RBMS3: variants seen among roughly 807,000 people sequenced by gnomAD.
RBMS3 encodes RNA-binding motif, single-stranded-interacting protein 3.
In RBMS3, 27 loss-of-function variants were observed where a neutral mutation model predicts 66.8. The observed-to-expected ratio is 0.40, with a 90% CI of 0.30 to 0.56. RBMS3 has a LOEUF of 0.56. Among genes scored for constraint, RBMS3 ranks in the 20% least tolerant of loss-of-function variants. The probability of loss-of-function intolerance (pLI) is 0.40; values close to 1 mark genes in which losing one functional copy is unlikely to be tolerated. For missense variants in RBMS3, 513 were observed against 549.5 expected, an observed-to-expected ratio of 0.93 and a Z score of 0.66; for synonymous variants, 188 against 183.0, an observed-to-expected ratio of 1.03 and a Z score of -0.22.
chr3:29,814,705 C>T (rs935840011), intron 6 of RBMS3, among the ~76,000 whole-genome samples: 1 of 152,094 alleles, frequency 6.6e-6, no homozygotes, highest in Non-Finnish European at 1.5e-5. Flanking sequence ...CTGGTTTAGT[C>T]TTGGGAGAGT....
intron 12 of RBMS3, among the ~76,000 whole-genome samples, chr3:29,987,535 A>G (rs1157306741): frequency 2.0e-5 from 3 of 152,186 alleles, no homozygotes; most frequent in Non-Finnish European, 4.4e-5. Flanking sequence ...TAACACTGAT[A>G]TGAGAATGAA....
chr3:29,728,399 A>G (rs371690682), intron 4 of RBMS3, among the ~76,000 whole-genome samples: 2 of 152,194 alleles, frequency 1.3e-5, no homozygotes, highest in South Asian at 2.1e-4. Context: ...AATAATGTAT[A>G]TGCCAAATGA....
At chr3:29,885,629 G>A (rs1446407608) in intron 8 of RBMS3, among the ~76,000 whole-genome samples, 1 of 151,684 alleles carries the variant, frequency 6.6e-6, no homozygotes, top group African/African-American at 2.4e-5. Flanking sequence ...ATTTATATTG[G>A]AAATTTATAC....
At chr3:29,577,648 T>C (rs956512385) in intron 3 of RBMS3, among the ~76,000 whole-genome samples, 12 of 152,212 alleles carry the variant, frequency 7.9e-5, no homozygotes, top group African/African-American at 2.9e-4. Context: ...CCTCTGTGTG[T>C]GGGCATTGGC....
intron 2 of RBMS3, among the ~76,000 whole-genome samples, chr3:29,487,111 T>C (rs925846470): frequency 1.3e-5 from 2 of 152,180 alleles, no homozygotes; most frequent in African/African-American, 2.4e-5. Context: ...ATGGGTATGA[T>C]TGTAGGTACG....
chr3:29,783,055 A>T (rs2056693388), intron 6 of RBMS3, among the ~76,000 whole-genome samples: 1 of 152,186 alleles, frequency 6.6e-6, no homozygotes, highest in Non-Finnish European at 1.5e-5. Context: ...GAATATGTTA[A>T]ATGTCCAAAC....
chr3:29,982,088 C>A (rs1698034839), intron 12 of RBMS3, among the ~76,000 whole-genome samples: 1 of 152,124 alleles, frequency 6.6e-6, no homozygotes, highest in Non-Finnish European at 1.5e-5. Flanking sequence ...TCAATTACTG[C>A]CTCAGTTTCA....
At chr3:29,744,114 C>T (rs1403089413) in intron 5 of RBMS3, among the ~76,000 whole-genome samples, 2 of 151,952 alleles carry the variant, frequency 1.3e-5, no homozygotes, top group South Asian at 2.1e-4. Context: ...TGTGATTTTT[C>T]CAGGTGGAGT....
intron 4 of RBMS3, among the ~76,000 whole-genome samples, chr3:29,700,215 T>A (rs968001031): frequency 2.0e-5 from 3 of 152,240 alleles, no homozygotes; most frequent in African/African-American, 7.2e-5. Context: ...GTAGATCTAT[T>A]ATAGATGTGT....
chr3:29,303,286 A>G (rs1288458346), intron 1 of RBMS3, among the ~76,000 whole-genome samples: 1 of 152,040 alleles, frequency 6.6e-6, no homozygotes, highest in East Asian at 1.9e-4. Context: ...ACTCTTATGA[A>G]CCTGGTAATT....
intron 2 of RBMS3, among the ~76,000 whole-genome samples, chr3:29,480,093 G>C (rs928236819): frequency 1.3e-5 from 2 of 152,216 alleles, no homozygotes; most frequent in Non-Finnish European, 2.9e-5. Context: ...AACTCTAACT[G>C]GAGATTCAGG....
At position 29,733,805 on chromosome 3, in the gene RBMS3, C is replaced by CA. The variant is rs552305317; in HGVS notation, c.400-5909dup. 3.2e-3 allele frequency among the ~76,000 whole-genome samples: 486 copies of CA among 152,156 alleles called. 6 individuals are homozygous for CA. Among genetic ancestry groups the CA allele is most frequent in the African/African-American group, 0.011 (451 of 41,518 alleles). Reference sequence around the variant, plus strand: ...GCCTGTGCTTTTGAAGTCTTATCCACAAAAAATCTTTGTCCAGACCAATAT... The same window carrying CA: ...GCCTGTGCTTTTGAAGTCTTATCCACAAAAAAATCTTTGTCCAGACCAATAT... On this transcript the variant is annotated intron_variant, in intron 4 of 14. Transcript: ENST00000383767.
At chr3:29,674,737 CAA>C (rs149403305) in intron 4 of RBMS3, among the ~76,000 whole-genome samples, 54,008 of 100,108 alleles carry the variant, frequency 0.54, 11,944 homozygotes, top group Middle Eastern at 0.6. Flanking sequence ...ACCACTGCTC[CAA>C]AAAAAAAAAA....
rs1166106438 is a variant in RBMS3 at position 29,532,246 on chromosome 3, G to GTATATATATATA, written c.307+43751_307+43762dup. ...TCTTATTTTAATTTCGCATATATAT[G>GTATATATATATA]TATATATATATATATGTATATATAT... is the stretch of plus-strand genomic sequence containing the variant. On this transcript the variant is annotated intron_variant, in intron 3 of 14. Coordinates refer to ENST00000383767, the MANE Select transcript of RBMS3 (RefSeq NM_001003793.3). Among the ~76,000 whole-genome samples the GTATATATATATA allele has an allele frequency of 2.6e-3, 231 of 88,888 alleles. 3 individuals are homozygous for GTATATATATATA. The highest frequency in any genetic ancestry group is 0.018 in the East Asian group (51 of 2,794). 58.3% of individuals were successfully genotyped at this position (88,888 alleles called of 152,430 possible).
chr3:29,676,383 C>T (rs548556364), intron 4 of RBMS3, among the ~76,000 whole-genome samples: 2 of 152,060 alleles, frequency 1.3e-5, no homozygotes, highest in Non-Finnish European at 2.9e-5. Context: ...ATGTAACAAA[C>T]CTGCACGTTG....
At chr3:29,402,585 G>C (rs2039857861) in intron 1 of RBMS3, among the ~76,000 whole-genome samples, 1 of 151,936 alleles carries the variant, frequency 6.6e-6, no homozygotes, top group Non-Finnish European at 1.5e-5. Flanking sequence ...AATCTTTACA[G>C]AGATATCTTA....
intron 6 of RBMS3, among the ~76,000 whole-genome samples, chr3:29,851,409 G>T (rs996265806): frequency 1.3e-5 from 2 of 152,056 alleles, no homozygotes; most frequent in African/African-American, 4.8e-5. Context: ...ATCAAGACCC[G>T]GGATTATATA....
At chr3:29,625,700 GTAAATAAATAAA>G (rs35124957) in intron 4 of RBMS3, among the ~76,000 whole-genome samples, 22 of 139,996 alleles carry the variant, frequency 1.6e-4, no homozygotes, top group Non-Finnish European at 2.5e-4. Flanking sequence ...CGCCATTAAA[GTAAATAAATAAA>G]TAAATAAATA....
intron 1 of RBMS3, among the ~76,000 whole-genome samples, chr3:29,285,532 T>A (rs550407996): frequency 7.9e-5 from 12 of 152,218 alleles, no homozygotes; most frequent in African/African-American, 2.9e-4. Flanking sequence ...GCCAATGATG[T>A]TGCTCTCACA....
Sources: allele counts gnomAD v4.1 joint callset (sites outside exome capture counted in the v4.1 genomes callset), GRCh38; gene constraint gnomAD v4.1.1; transcripts MANE v1.5; gene names NCBI Gene and HGNC (gene_info 2026-07-23, HGNC 2026-07-21).